The following LYPD6B variants were observed in gnomAD, a reference collection of about 807,000 sequenced individuals.
LYPD6B encodes the protein ly6/PLAUR domain-containing protein 6B.
In LYPD6B, 17 loss-of-function variants were observed where a neutral mutation model predicts 22.8. The observed-to-expected ratio is 0.75, with a 90% CI of 0.51 to 1.12. LYPD6B has a LOEUF of 1.12. LYPD6B is among the 50% of genes most tolerant of loss of function. LYPD6B has a pLI of 0.00. For missense variants in LYPD6B, 221 were observed against 258.3 expected (o/e 0.86, Z 0.99); for synonymous variants, 106 against 91.6 (o/e 1.16, Z -0.90).
intron 2 of LYPD6B, among the ~76,000 whole-genome samples, chr2:149,152,470 T>C (rs1204919780): frequency 6.6e-6 from 1 of 152,188 alleles, no homozygotes; most frequent in Non-Finnish European, 1.5e-5. Flanking sequence ...GCTATGGAAT[T>C]GGACAAGTGG....
chr2:149,120,381 A>ATTTTTTTT (rs1256956846), intron 1 of LYPD6B, among the ~76,000 whole-genome samples: 21 of 43,492 alleles, frequency 4.8e-4, no homozygotes, highest in African/African-American at 1.1e-3. Flanking sequence ...ATATATATAT[A>ATTTTTTTT]TATTTTTTTT....
intron 1 of LYPD6B, among the ~76,000 whole-genome samples, chr2:149,121,609 G>A (rs541687569): frequency 1.3e-5 from 2 of 152,342 alleles, no homozygotes; most frequent in East Asian, 3.9e-4. Flanking sequence ...GCTCTGGGCT[G>A]AAGGGATGAG....
At chr2:149,120,383 A>ATATTTTTTTTTTTTTTT (rs1327065975) in intron 1 of LYPD6B, among the ~76,000 whole-genome samples, 1 of 48,618 alleles carries the variant, frequency 2.1e-5, no homozygotes, top group African/African-American at 1.1e-4. Flanking sequence ...ATATATATAT[A>ATATTTTTTTTTTTTTTT]TTTTTTTTTT....
At chr2:149,107,366 A>G (rs1240785773) in intron 1 of LYPD6B, among the ~76,000 whole-genome samples, 1 of 152,210 alleles carries the variant, frequency 6.6e-6, no homozygotes, top group East Asian at 1.9e-4. Flanking sequence ...TCTACTCAGA[A>G]CAGCATGCCA....
At chr2:149,192,939 G>C (rs886472159) in intron 3 of LYPD6B, among the ~76,000 whole-genome samples, 2 of 152,082 alleles carry the variant, frequency 1.3e-5, no homozygotes, top group African/African-American at 2.4e-5. Context: ...AGTGTTAAGT[G>C]GGGGAGTGAT....
At chr2:149,179,121 C>A (rs1376250264) in intron 3 of LYPD6B, among the ~76,000 whole-genome samples, 1 of 152,186 alleles carries the variant, frequency 6.6e-6, no homozygotes, top group Non-Finnish European at 1.5e-5. Flanking sequence ...CTGCTCCCAC[C>A]TCCCACAGTG....
At chr2:149,128,072 A>G (rs1186654008) in intron 1 of LYPD6B, among the ~76,000 whole-genome samples, 2 of 152,226 alleles carry the variant, frequency 1.3e-5, no homozygotes, top group Non-Finnish European at 1.5e-5. Flanking sequence ...TTCAGCTAAC[A>G]TATATCATTT....
At chr2:149,169,271 A>G (rs530776799) in intron 3 of LYPD6B, among the ~76,000 whole-genome samples, 102 of 152,188 alleles carry the variant, frequency 6.7e-4, no homozygotes, top group African/African-American at 2.3e-3. Flanking sequence ...TCTTCCCCAA[A>G]ACAGGCAATG....
At position 149,169,057 on chromosome 2, in the gene LYPD6B, C is replaced by G. The variant is rs137888214; in HGVS notation, c.77+8222C>G. ...TAAACTGTATTTTAACATATCCCCT[C>G]AAAAAGGGTAAATTTGAGTAATGCA... On this transcript the variant is annotated intron_variant, in intron 3 of 6. Transcript: ENST00000409642. Among the ~76,000 whole-genome samples the G allele has an allele frequency of 1.1e-3, 165 of 152,250 alleles. 1 individual carries two copies. The highest frequency in any genetic ancestry group is 3.9e-3 in the African/African-American group (161 of 41,552).
chr2:149,041,115 A>G (rs72866089), intron 1 of LYPD6B, among the ~76,000 whole-genome samples: 74,202 of 148,414 alleles, frequency 0.5, 21,108 homozygotes, highest in Non-Finnish European at 0.62. Context: ...AAAAAAAAAA[A>G]AAAGAAAATG....
intron 1 of LYPD6B, among the ~76,000 whole-genome samples, chr2:149,086,109 C>T (rs1685376996): frequency 6.6e-6 from 1 of 152,172 alleles, no homozygotes; most frequent in Admixed American, 6.5e-5. Context: ...GGAATACAGC[C>T]CATTTTCTTC....
At chr2:149,174,344 T>C (rs780545478) in intron 3 of LYPD6B, among the ~76,000 whole-genome samples, 4 of 152,196 alleles carry the variant, frequency 2.6e-5, no homozygotes, top group Non-Finnish European at 5.9e-5. Flanking sequence ...GATAGTTTGA[T>C]ATCCTCCCTT....
At chr2:149,101,602 A>T (rs1686213486) in intron 1 of LYPD6B, 1 of 152,366 alleles carries the variant, frequency 6.6e-6, no homozygotes, top group Admixed American at 6.5e-5. Context: ...GGCCTGGAGC[A>T]AGGGAGGCCC....
intron 1 of LYPD6B, 21 bp downstream of exon 1, chr2:149,038,822 A>C (rs1436967969): frequency 6.7e-6 from 1 of 150,360 alleles, no homozygotes; most frequent in African/African-American, 2.4e-5. Context: ...CCAGCGCAGC[A>C]GGCGGGGGCG....
At position 149,157,804 on chromosome 2, in the gene LYPD6B, TTA is replaced by T. The variant is rs368796967; in HGVS notation, c.6-2955_6-2954del. On this transcript the variant is annotated intron_variant, in intron 2 of 6. Transcript: ENST00000409642. The stretch of plus-strand genomic sequence containing the variant: ...GCACACGGAAGCCTGGTTACCTTAT[TTA>T]TATACCCTAGAAATGAAAAACTTTT... Among the ~76,000 whole-genome samples, 114 of 152,318 alleles carry T rather than the reference TTA, an allele frequency of 7.5e-4. No individual in the cohort carries two copies. In the Middle Eastern group the frequency reaches 0.014, roughly 18 times the overall value.
chr2:149,111,475 TG>T (rs745994472), intron 1 of LYPD6B, among the ~76,000 whole-genome samples: 1 of 151,932 alleles, frequency 6.6e-6, no homozygotes, highest in Non-Finnish European at 1.5e-5. Context: ...GATGGTGGGA[TG>T]GGGGTGGGGA....
intron 3 of LYPD6B, among the ~76,000 whole-genome samples, chr2:149,189,495 A>G (rs1692360338): frequency 6.6e-6 from 1 of 151,724 alleles, no homozygotes; most frequent in South Asian, 2.1e-4. Flanking sequence ...TTCTACATAG[A>G]GTTTAGATAA....
intron 3 of LYPD6B, 44 bp downstream of exon 3, chr2:149,160,879 G>A: frequency 7.1e-7 from 1 of 1,404,472 alleles, no homozygotes; most frequent in Non-Finnish European, 9.8e-7. Context: ...TTTTCATTTG[G>A]GAGCTCTGGT....
At chr2:149,040,218 TC>T (rs1558962071) in intron 1 of LYPD6B, among the ~76,000 whole-genome samples, 6 of 92,592 alleles carry the variant, frequency 6.5e-5, no homozygotes, top group Admixed American at 1.2e-4. Flanking sequence ...TCTCTCTCTC[TC>T]TCTTTTTTTT....
Sources: allele counts gnomAD v4.1 joint callset (sites outside exome capture counted in the v4.1 genomes callset), GRCh38; gene constraint gnomAD v4.1.1; transcripts MANE v1.5; gene names NCBI Gene and HGNC (gene_info 2026-07-23, HGNC 2026-07-21).